Variants in PRCC observed in about 807,000 individuals in gnomAD.
PRCC encodes the protein proline-rich protein PRCC.
Under a neutral mutation model 44.0 loss-of-function variants are expected in PRCC, and 10 were observed. The observed-to-expected ratio is 0.23, with a 90% CI of 0.14 to 0.39. PRCC has a LOEUF of 0.39. PRCC is among the 10% of genes least tolerant of loss of function. PRCC has a pLI of 1.00. For missense variants in PRCC, 573 were observed against 624.7 expected (o/e 0.92, Z 0.88); for synonymous variants, 278 against 259.5 (o/e 1.07, Z -0.69).
intron 1 of PRCC, among the ~76,000 whole-genome samples, chr1:156,776,809 A>G (rs1651845462): frequency 6.6e-6 from 1 of 152,200 alleles, no homozygotes; most frequent in African/African-American, 2.4e-5. Flanking sequence ...TATATACCCC[A>G]TAGTGAGGTT....
At chr1:156,779,129 T>TATATATATATA (rs1491456608) in intron 1 of PRCC, among the ~76,000 whole-genome samples, 24 of 16,332 alleles carry the variant, frequency 1.5e-3, no homozygotes, top group African/African-American at 2.4e-3. Context: ...TATATATATA[T>TATATATATATA]TTTTTTTTTT....
intron 1 of PRCC, among the ~76,000 whole-genome samples, chr1:156,771,053 C>T (rs1362677948): frequency 1.3e-5 from 2 of 152,162 alleles, no homozygotes; most frequent in Non-Finnish European, 1.5e-5. Context: ...GGCATTAGTC[C>T]AGTCTTGGGA....
intron 1 of PRCC, among the ~76,000 whole-genome samples, chr1:156,769,887 G>A (rs914326867): frequency 3.3e-5 from 5 of 151,928 alleles, no homozygotes; most frequent in African/African-American, 1.2e-4. Flanking sequence ...GGCGTGAGCC[G>A]CAGCACCCGG....
chr1:156,791,860 G>C (rs1305190364), intron 4 of PRCC, 68 bp downstream of exon 4: 2 of 1,434,484 alleles, frequency 1.4e-6, no homozygotes, highest in Non-Finnish European at 1.9e-6. Context: ...TGAAGCCAAA[G>C]GAAATTAAAA....
At chr1:156,792,198 G>A (rs1283648819) in intron 4 of PRCC, among the ~76,000 whole-genome samples, 1 of 151,380 alleles carries the variant, frequency 6.6e-6, no homozygotes, top group Non-Finnish European at 1.5e-5. Context: ...ACCATGCCTG[G>A]CTTCAGTCTC....
intron 5 of PRCC, among the ~76,000 whole-genome samples, chr1:156,795,179 T>C (rs1290071607): frequency 6.6e-6 from 1 of 151,992 alleles, no homozygotes; most frequent in Non-Finnish European, 1.5e-5. Context: ...GCTTTTTTTG[T>C]TTTAATTTTT....
chr1:156,780,182 C>T (rs576454772), intron 1 of PRCC, among the ~76,000 whole-genome samples: 622 of 152,142 alleles, frequency 4.1e-3, no homozygotes, highest in Middle Eastern at 6.8e-3. Context: ...CTCAGCCTCC[C>T]GAGTAGCTGG....
intron 1 of PRCC, among the ~76,000 whole-genome samples, chr1:156,778,856 A>G (rs113956476): frequency 0.023 from 3,387 of 147,966 alleles, 142 homozygotes; most frequent in African/African-American, 0.08. Context: ...CTGGAGTGCA[A>G]TGGCGCAATC....
At chr1:156,792,816 T>C (rs1652539933) in intron 4 of PRCC, among the ~76,000 whole-genome samples, 1 of 152,198 alleles carries the variant, frequency 6.6e-6, no homozygotes, top group Non-Finnish European at 1.5e-5. Context: ...TGTGGTAATA[T>C]GCCTAGCAAA....
intron 2 of PRCC, 81 bp from the exon 3 acceptor site, chr1:156,786,527 A>G (rs1284689933): frequency 2.2e-6 from 3 of 1,390,508 alleles, no homozygotes; most frequent in African/African-American, 2.9e-5. Context: ...CTTATCTGTA[A>G]CTGTTGTTTT....
intron 2 of PRCC, among the ~76,000 whole-genome samples, chr1:156,782,912 A>T (rs6683865): frequency 0.57 from 85,850 of 150,022 alleles, 24,857 homozygotes; most frequent in African/African-American, 0.67. Flanking sequence ...CAATATATAT[A>T]TTTTTTTTTT....
At chr1:156,781,377 T>C (rs763955708) in intron 1 of PRCC, among the ~76,000 whole-genome samples, 2 of 152,214 alleles carry the variant, frequency 1.3e-5, no homozygotes, top group Non-Finnish European at 2.9e-5. Context: ...ATCTTGGAGA[T>C]GAATGGGATC....
chr1:156,797,827 A>G (rs188435251), intron 6 of PRCC, among the ~76,000 whole-genome samples: 8 of 152,314 alleles, frequency 5.3e-5, no homozygotes, highest in Admixed American at 3.9e-4. Flanking sequence ...AAACTGGAAT[A>G]TGTCTTGGTA....
rs1168779906 is a variant in PRCC at position 156,767,885 on chromosome 1, G to C, written c.114G>C (p.Leu38Phe). The change falls in exon 1 of 7, where the codon TTG (leucine) becomes TTC (phenylalanine). Residue 38 changes from leucine to phenylalanine, a missense_variant. Transcript: ENST00000271526. Reference sequence around the variant, plus strand: ...CATCTGGGCCCGCTTTAGGGGGCTTGTTCGCTTCTCTCCCTGCGCCCAAGG... The same window carrying C: ...CATCTGGGCCCGCTTTAGGGGGCTTCTTCGCTTCTCTCCCTGCGCCCAAGG... Reference protein sequence around the residue: ...APTSGPALGGLFASLPAPKGP... With the variant: ...APTSGPALGGFFASLPAPKGP... 1.2e-6 allele frequency: 2 copies of C among 1,605,054 alleles called. No homozygotes were observed. Among genetic ancestry groups the C allele is most frequent in the South Asian group, 2.2e-5 (2 of 89,194 alleles).
At chr1:156,785,102 G>A (rs1652188935) in intron 2 of PRCC, among the ~76,000 whole-genome samples, 1 of 152,096 alleles carries the variant, frequency 6.6e-6, no homozygotes, top group East Asian at 1.9e-4. Flanking sequence ...TTTGTAAAAA[G>A]CAGTAATGTC....
rs570041400 is a variant in PRCC at position 156,773,417 on chromosome 1, CAG to C, written c.468+5183_468+5184del. ...GTCTTGTCACTCTTGGCAGCTGGAACAGAGAGGACAGTGGTGGCCATTGAGGC... is the reference window on the plus strand; with the variant it reads ...GTCTTGTCACTCTTGGCAGCTGGAACAGAGGACAGTGGTGGCCATTGAGGC... On this transcript the variant is annotated intron_variant, in intron 1 of 6. Transcript: ENST00000271526. 5.3e-4 allele frequency among the ~76,000 whole-genome samples: 81 copies of C among 152,270 alleles called. 1 individual carries two copies. The East Asian group carries it at 0.015, about 28-fold the overall frequency.
intron 5 of PRCC, chr1:156,797,067 C>G (rs1306824783): frequency 3.7e-6 from 2 of 547,444 alleles, no homozygotes; most frequent in Admixed American, 3.2e-5. Flanking sequence ...CTATTTCAGG[C>G]AAGTGTTCTG....
At chr1:156,774,683 G>T (rs1651755802) in intron 1 of PRCC, among the ~76,000 whole-genome samples, 1 of 151,878 alleles carries the variant, frequency 6.6e-6, no homozygotes, top group African/African-American at 2.4e-5. Context: ...GCTGGGCATG[G>T]TGGCTCACGC....
intron 6 of PRCC, 99 bp from the exon 7 acceptor site, chr1:156,800,275 T>C: frequency 8.7e-7 from 1 of 1,143,526 alleles, no homozygotes; most frequent in Non-Finnish European, 1.3e-6. Flanking sequence ...ATCGTTTTGA[T>C]AGGAGAAAGA....
Sources: gnomAD v4.1 joint callset for allele counts (sites outside exome capture counted in the v4.1 genomes callset) on GRCh38, gnomAD v4.1.1 for gene constraint, MANE v1.5 for transcripts, NCBI Gene and HGNC (gene_info 2026-07-23, HGNC 2026-07-21) for gene names.